VWC2: variants seen among roughly 807,000 people sequenced by gnomAD.
The protein encoded by VWC2 is von Willebrand factor C domain containing 2, also known as brorin.
In VWC2, 14 loss-of-function variants were observed where a neutral mutation model predicts 29.8. The observed-to-expected ratio is 0.47, with a 90% CI of 0.31 to 0.74. The LOEUF (loss-of-function observed/expected upper bound fraction) is 0.74, where lower values mean the gene tolerates loss of function less well. Among genes scored for constraint, VWC2 ranks in the 30% least tolerant of loss-of-function variants. The pLI is 0.05. For missense variants in VWC2, 457 were observed against 459.8 expected (o/e 0.99, Z 0.05); for synonymous variants, 213 against 199.0 (o/e 1.07, Z -0.59).
At chr7:49,877,507 T>TATATATATAG (rs1791485567) in intron 3 of VWC2, among the ~76,000 whole-genome samples, 1 of 90,318 alleles carries the variant, frequency 1.1e-5, no homozygotes, top group Non-Finnish European at 2.3e-5. Flanking sequence ...TATATATATA[T>TATATATATAG]ATATATATAT....
At chr7:49,892,248 G>T (rs1295449808) in intron 3 of VWC2, among the ~76,000 whole-genome samples, 1 of 151,404 alleles carries the variant, frequency 6.6e-6, no homozygotes, top group African/African-American at 2.4e-5. Flanking sequence ...GGGTTTCACC[G>T]TGTTAGCCAG....
At chr7:49,826,394 A>T (rs1789392304) in intron 3 of VWC2, among the ~76,000 whole-genome samples, 1 of 152,226 alleles carries the variant, frequency 6.6e-6, no homozygotes. Flanking sequence ...AGGATCATGC[A>T]TTAGGTCCCT....
At position 49,779,275 on chromosome 7, in the gene VWC2, G is replaced by GT. The variant is rs1476699079; in HGVS notation, c.696+3150dup. Among the ~76,000 whole-genome samples, 5 of 152,154 alleles carry GT rather than the reference G, an allele frequency of 3.3e-5. No homozygotes were observed. In the East Asian group the frequency reaches 7.7e-4, roughly 24 times the overall value. On this transcript the variant is annotated intron_variant, in intron 2 of 3. Coordinates refer to ENST00000340652, the MANE Select transcript of VWC2 (RefSeq NM_198570.5). ...TCAGTTTTCTGCATATTCTAAACTT[G>GT]TTTTTTCCCTTCTTTCTGTACTCTT...
At chr7:49,907,056 A>G (rs1045109647) in intron 3 of VWC2, among the ~76,000 whole-genome samples, 32 of 152,200 alleles carry the variant, frequency 2.1e-4, no homozygotes, top group African/African-American at 7.7e-4. Context: ...CATAAAGAAC[A>G]AGTACTGGGT....
chr7:49,789,159 CTGTA>C (rs1477222570), intron 2 of VWC2, among the ~76,000 whole-genome samples: 10 of 123,270 alleles, frequency 8.1e-5, no homozygotes, highest in Middle Eastern at 6.3e-3. Context: ...GTGAGTGTGG[CTGTA>C]TGTGTGTGTT....
At chr7:49,891,862 C>T (rs1453261234) in intron 3 of VWC2, among the ~76,000 whole-genome samples, 1 of 152,072 alleles carries the variant, frequency 6.6e-6, no homozygotes, top group African/African-American at 2.4e-5. Context: ...AGTACTCTAA[C>T]TTTCTGCTAT....
Position 49,912,496 on chromosome 7 carries a change from A to G in VWC2, c.*311A>G, listed in dbSNP as rs188043358. On this transcript the variant is annotated 3_prime_UTR_variant, in exon 4 of 4. Coordinates refer to ENST00000340652, the MANE Select transcript of VWC2 (RefSeq NM_198570.5). Reference sequence around the variant, plus strand: ...ATCCCTCCATTAGAGAGCTTATATAAGTGTTTTCTATAGATGCAGATTAAA... The same window carrying G: ...ATCCCTCCATTAGAGAGCTTATATAGGTGTTTTCTATAGATGCAGATTAAA... 2.2e-4 allele frequency: 44 copies of G among 201,976 alleles called. 1 individual carries two copies. Among genetic ancestry groups the G allele is most frequent in the African/African-American group, 9.8e-4 (42 of 42,904 alleles). 12.5% of individuals were successfully genotyped at this position (201,976 alleles called of 1,614,324 possible). A position where few individuals can be genotyped will look rare whatever the true frequency, so the allele number is the denominator to read the frequency against.
At chr7:49,808,653 G>A (rs1487478948) in intron 3 of VWC2, among the ~76,000 whole-genome samples, 1 of 151,958 alleles carries the variant, frequency 6.6e-6, no homozygotes, top group African/African-American at 2.4e-5. Flanking sequence ...AAATTTAAAG[G>A]ACTTAATCAT....
At chr7:49,848,316 G>A (rs145470064) in intron 3 of VWC2, among the ~76,000 whole-genome samples, 1,705 of 152,270 alleles carry the variant, frequency 0.011, 31 homozygotes, top group African/African-American at 0.038. Context: ...GTCTTTCCAG[G>A]ATCTTCTCTC....
chr7:49,883,143 C>A (rs1052975459), intron 3 of VWC2, among the ~76,000 whole-genome samples: 1 of 152,108 alleles, frequency 6.6e-6, no homozygotes, highest in African/African-American at 2.4e-5. Flanking sequence ...AGGAGGAAGG[C>A]GCAGGGAGCT....
intron 3 of VWC2, among the ~76,000 whole-genome samples, chr7:49,891,946 G>C (rs1314053349): frequency 1.4e-5 from 2 of 147,546 alleles, no homozygotes; most frequent in Non-Finnish European, 3.0e-5. Context: ...AATAAATTTT[G>C]ATATATTCAT....
At chr7:49,868,064 C>T (rs1790988780) in intron 3 of VWC2, among the ~76,000 whole-genome samples, 9 of 152,176 alleles carry the variant, frequency 5.9e-5, no homozygotes, top group Middle Eastern at 6.8e-3. Context: ...AAACTCCCGA[C>T]CTCAAATGAT....
chr7:49,897,955 C>G (rs1792473248), intron 3 of VWC2, among the ~76,000 whole-genome samples: 1 of 152,120 alleles, frequency 6.6e-6, no homozygotes. Context: ...TGAAACACTC[C>G]AGAGCATTGT....
Position 49,921,889 on chromosome 7 carries a change from T to C in VWC2, c.*9704T>C, listed in dbSNP as rs1314626873. The C allele has an allele frequency of 6.6e-6, 1 of 152,168 alleles. No homozygotes were observed. Among genetic ancestry groups the C allele is most frequent in the African/African-American group, 2.4e-5 (1 of 41,466 alleles). The allele number at this position is 152,168 out of a possible 1,614,324, so 9.4% of individuals were successfully genotyped here. A position where few individuals can be genotyped will look rare whatever the true frequency, so the allele number is the denominator to read the frequency against. On this transcript the variant is annotated 3_prime_UTR_variant, in exon 4 of 4. Coordinates refer to ENST00000340652, the MANE Select transcript of VWC2 (RefSeq NM_198570.5). ...TTTAAATAATTAGGCCGAATTTGTA[T>C]GTATTGTTGGATGGGTATGTGTATT...
chr7:49,793,553 A>G (rs1039930352), intron 2 of VWC2, among the ~76,000 whole-genome samples: 9 of 151,994 alleles, frequency 5.9e-5, no homozygotes, highest in Non-Finnish European at 2.9e-5. Flanking sequence ...GATAGAAGCA[A>G]CATAATACCA....
chr7:49,859,974 A>G (rs918835819), intron 3 of VWC2, among the ~76,000 whole-genome samples: 2 of 151,718 alleles, frequency 1.3e-5, no homozygotes, highest in African/African-American at 2.4e-5. Flanking sequence ...GTATAAATAT[A>G]TACTTATATT....
chr7:49,862,763 T>C (rs956375111), intron 3 of VWC2, among the ~76,000 whole-genome samples: 2 of 152,128 alleles, frequency 1.3e-5, no homozygotes, highest in African/African-American at 2.4e-5. Flanking sequence ...TAATGTGTTG[T>C]ATTATGTCCA....
chr7:49,920,992 G>A lies in VWC2; in HGVS notation c.*8807G>A, dbSNP rs1327809548. On this transcript the variant is annotated 3_prime_UTR_variant, in exon 4 of 4. Coordinates refer to ENST00000340652, the MANE Select transcript of VWC2 (RefSeq NM_198570.5). ...ATGATATGCTTTTATAAATTATTTGGTGAAAGTTTTCCAGTAAGTGTTCAT... is the reference window on the plus strand; with the variant it reads ...ATGATATGCTTTTATAAATTATTTGATGAAAGTTTTCCAGTAAGTGTTCAT... The A allele has an allele frequency of 6.6e-6, 1 of 152,132 alleles. No individual in the cohort carries two copies. The highest frequency in any genetic ancestry group is 1.5e-5 in the Non-Finnish European group (1 of 68,018). The allele number at this position is 152,132 out of a possible 1,614,324, so 9.4% of individuals were successfully genotyped here.
At chr7:49,815,131 CTTA>C (rs954195600) in intron 3 of VWC2, among the ~76,000 whole-genome samples, 1 of 152,162 alleles carries the variant, frequency 6.6e-6, no homozygotes, top group African/African-American at 2.4e-5. Context: ...CACTGAGGCA[CTTA>C]TTGTTTATTT....
Sources: allele counts gnomAD v4.1 joint callset (sites outside exome capture counted in the v4.1 genomes callset), GRCh38; gene constraint gnomAD v4.1.1; transcripts MANE v1.5; gene names NCBI Gene and HGNC (gene_info 2026-07-23, HGNC 2026-07-21).